The following ITFG1 variants were observed in gnomAD, a reference collection of about 807,000 sequenced individuals.
ITFG1 encodes T-cell immunomodulatory protein.
In ITFG1, 34 loss-of-function variants were observed where a neutral mutation model predicts 81.8. The ratio of observed to expected loss-of-function variants is 0.42; its 90% CI spans 0.32 to 0.55. The LOEUF (loss-of-function observed/expected upper bound fraction) is 0.55. ITFG1 is among the 20% of genes least tolerant of loss of function. The pLI is 0.17. For missense variants in ITFG1, 672 were observed against 755.4 expected (o/e 0.89, Z 1.29); for synonymous variants, 285 against 270.6 (o/e 1.05, Z -0.52).
intron 12 of ITFG1, among the ~76,000 whole-genome samples, chr16:47,245,540 T>C (rs535847345): frequency 8.9e-4 from 136 of 152,240 alleles, no homozygotes; most frequent in African/African-American, 3.0e-3. Context: ...AAAACACCAT[T>C]GGCAAGATCA....
chr16:47,394,271 A>G (rs1472715563), intron 6 of ITFG1, among the ~76,000 whole-genome samples: 1 of 152,184 alleles, frequency 6.6e-6, no homozygotes, highest in African/African-American at 2.4e-5. Context: ...GTGTGTGTAC[A>G]TGTAGCATAC....
At chr16:47,174,093 C>T (rs781097381) in intron 14 of ITFG1, among the ~76,000 whole-genome samples, 1 of 152,078 alleles carries the variant, frequency 6.6e-6, no homozygotes, top group Non-Finnish European at 1.5e-5. Context: ...TTCAAGGTTG[C>T]TTTGTTCTTA....
chr16:47,386,629 T>C (rs1478966297), intron 6 of ITFG1, among the ~76,000 whole-genome samples: 1 of 152,084 alleles, frequency 6.6e-6, no homozygotes, highest in African/African-American at 2.4e-5. Flanking sequence ...AGGCCTTTGG[T>C]TCAATGCCGG....
intron 4 of ITFG1, 130 bp from the exon 5 acceptor site, chr16:47,451,600 A>G: frequency 1.7e-6 from 1 of 577,012 alleles, no homozygotes; most frequent in Non-Finnish European, 3.0e-6. Context: ...AGTGATAAGT[A>G]TTAAGTCAAA....
intron 16 of ITFG1, among the ~76,000 whole-genome samples, chr16:47,159,380 G>A (rs1190997213): frequency 1.3e-5 from 2 of 152,130 alleles, no homozygotes; most frequent in Non-Finnish European, 2.9e-5. Flanking sequence ...TCTAAAGCAA[G>A]GTAGTCACAT....
At chr16:47,187,342 T>C (rs1221522880) in intron 14 of ITFG1, among the ~76,000 whole-genome samples, 13 of 152,028 alleles carry the variant, frequency 8.6e-5, no homozygotes, top group African/African-American at 1.2e-4. Flanking sequence ...GGAGGCATCA[T>C]GCTACCTGAC....
intron 14 of ITFG1, among the ~76,000 whole-genome samples, chr16:47,188,757 A>T (rs548288490): frequency 6.6e-6 from 1 of 150,704 alleles, no homozygotes; most frequent in South Asian, 2.1e-4. Flanking sequence ...GTACCCTAAA[A>T]CTTAAAGTAT....
intron 6 of ITFG1, among the ~76,000 whole-genome samples, chr16:47,424,073 C>T (rs890503735): frequency 5.3e-5 from 8 of 152,196 alleles, no homozygotes; most frequent in Admixed American, 1.3e-4. Flanking sequence ...ACCAATCAAA[C>T]GTAGGTTTGG....
intron 10 of ITFG1, among the ~76,000 whole-genome samples, chr16:47,268,828 T>C (rs1966306427): frequency 6.6e-6 from 1 of 152,250 alleles, no homozygotes; most frequent in Non-Finnish European, 1.5e-5. Flanking sequence ...GTTGAATTTA[T>C]TGCAGGAATG....
chr16:47,340,417 T>C (rs1179182472), intron 8 of ITFG1, among the ~76,000 whole-genome samples: 1 of 152,130 alleles, frequency 6.6e-6, no homozygotes, highest in Admixed American at 6.6e-5. Context: ...AAGAGCTATA[T>C]AGTAGCAGAG....
intron 8 of ITFG1, among the ~76,000 whole-genome samples, chr16:47,334,038 G>T (rs1016308678): frequency 2.6e-5 from 4 of 152,176 alleles, no homozygotes; most frequent in Non-Finnish European, 5.9e-5. Context: ...TGAAATAATA[G>T]TGTTAGTATG....
chr16:47,350,991 C>A (rs1183191296), intron 8 of ITFG1, among the ~76,000 whole-genome samples: 3 of 152,228 alleles, frequency 2.0e-5, no homozygotes, highest in African/African-American at 7.2e-5. Flanking sequence ...GCAGAAAAGG[C>A]CTTTGACAAA....
intron 8 of ITFG1, among the ~76,000 whole-genome samples, chr16:47,357,503 G>T (rs1005187307): frequency 1.4e-4 from 21 of 150,850 alleles, no homozygotes; most frequent in African/African-American, 4.4e-4. Context: ...TAGTCCCAGC[G>T]ACCCGGGAGG....
chr16:47,382,142 C>T (rs752934416), intron 6 of ITFG1, among the ~76,000 whole-genome samples: 3 of 152,064 alleles, frequency 2.0e-5, no homozygotes, highest in Non-Finnish European at 4.4e-5. Context: ...ATATATGAAA[C>T]ACAGCATGGG....
At chr16:47,454,674 G>A (rs925056289) in intron 2 of ITFG1, among the ~76,000 whole-genome samples, 6 of 151,842 alleles carry the variant, frequency 4.0e-5, no homozygotes, top group African/African-American at 1.2e-4. Context: ...TTTTTTTAAC[G>A]AAACTTGGCA....
At chr16:47,386,714 G>A (rs1038157672) in intron 6 of ITFG1, among the ~76,000 whole-genome samples, 3 of 152,224 alleles carry the variant, frequency 2.0e-5, no homozygotes, top group African/African-American at 7.2e-5. Context: ...CTCTCAGGGG[G>A]AAAGTGTGTC....
intron 5 of ITFG1, among the ~76,000 whole-genome samples, chr16:47,436,337 T>C (rs1969166320): frequency 1.3e-5 from 2 of 152,162 alleles, no homozygotes; most frequent in South Asian, 2.1e-4. Flanking sequence ...TTGCATTTAA[T>C]TGGTTTTGCT....
chr16:47,271,131 T>C (rs1285168847), intron 10 of ITFG1, among the ~76,000 whole-genome samples: 1 of 152,000 alleles, frequency 6.6e-6, no homozygotes, highest in Non-Finnish European at 1.5e-5. Context: ...AAAATAAACT[T>C]GACATCATCA....
chr16:47,323,394 GC>G (rs904334855), intron 8 of ITFG1, among the ~76,000 whole-genome samples: 4 of 152,130 alleles, frequency 2.6e-5, no homozygotes, highest in African/African-American at 9.7e-5. Flanking sequence ...AGCAGGCTCA[GC>G]CCCCTAGTAA....
Sources: allele counts gnomAD v4.1 joint callset (sites outside exome capture counted in the v4.1 genomes callset), GRCh38; gene constraint gnomAD v4.1.1; transcripts MANE v1.5; gene names NCBI Gene and HGNC (gene_info 2026-07-23, HGNC 2026-07-21).